Variants in QTMAN observed in about 807,000 individuals in gnomAD.
QTMAN encodes the protein queuosine-tRNA mannosyltransferase.
At chr2:144,226,058 A>C in the QTMAN span, among the ~76,000 whole-genome samples, 1 of 152,260 alleles carries the variant, frequency 6.6e-6, no homozygotes, top group Non-Finnish European at 1.5e-5. Context: ...CCTGAATTTG[A>C]AAATTACAGT....
At chr2:144,128,602 T>G in the QTMAN span, among the ~76,000 whole-genome samples, 4 of 151,940 alleles carry the variant, frequency 2.6e-5, no homozygotes, top group African/African-American at 4.8e-5. Context: ...TTTCATGAAG[T>G]TTTTTCTCTT....
chr2:144,143,256 G>C, the QTMAN span, among the ~76,000 whole-genome samples: 1 of 152,050 alleles, frequency 6.6e-6, no homozygotes, highest in East Asian at 1.9e-4. Context: ...AGGAACATCT[G>C]TATACAAGAT....
At chr2:144,157,966 A>C in the QTMAN span, among the ~76,000 whole-genome samples, 1 of 151,988 alleles carries the variant, frequency 6.6e-6, no homozygotes, top group Non-Finnish European at 1.5e-5. Context: ...CTAATATTTC[A>C]AATGTTGAAA....
chr2:144,135,849 A>T, the QTMAN span, among the ~76,000 whole-genome samples: 1 of 152,184 alleles, frequency 6.6e-6, no homozygotes, highest in Non-Finnish European at 1.5e-5. Flanking sequence ...CACTGGCAAA[A>T]AGTTACTTAC....
chr2:144,285,282 A>T, the QTMAN span, among the ~76,000 whole-genome samples: 9 of 152,110 alleles, frequency 5.9e-5, no homozygotes, highest in East Asian at 1.9e-4. Flanking sequence ...TAAATATCCT[A>T]AAAAAGTTTC....
the QTMAN span, among the ~76,000 whole-genome samples, chr2:144,119,695 G>A: frequency 1.3e-5 from 2 of 152,180 alleles, no homozygotes; most frequent in African/African-American, 4.8e-5. Context: ...ATAAGACAGA[G>A]TACCTGCTTC....
the QTMAN span, among the ~76,000 whole-genome samples, chr2:144,297,324 A>T: frequency 6.6e-6 from 1 of 152,182 alleles, no homozygotes; most frequent in Non-Finnish European, 1.5e-5. Flanking sequence ...CCACGGAGAA[A>T]CAATGGATTT....
At chr2:144,319,468 A>G in the QTMAN span, among the ~76,000 whole-genome samples, 1 of 152,172 alleles carries the variant, frequency 6.6e-6, no homozygotes, top group African/African-American at 2.4e-5. Flanking sequence ...AAGGAATTAC[A>G]TTATGGAATG....
chr2:143,992,531 TAAAA>T, the QTMAN span, among the ~76,000 whole-genome samples: 1 of 150,754 alleles, frequency 6.6e-6, no homozygotes, highest in African/African-American at 2.4e-5. Context: ...GAATGATCAA[TAAAA>T]AAATAAATAA....
chr2:144,310,395 A>G, the QTMAN span, among the ~76,000 whole-genome samples: 1 of 152,230 alleles, frequency 6.6e-6, no homozygotes, highest in Non-Finnish European at 1.5e-5. Flanking sequence ...AAGCTACTAC[A>G]AAGACTTTAC....
chr2:144,288,158 C>T, the QTMAN span, among the ~76,000 whole-genome samples: 2 of 152,204 alleles, frequency 1.3e-5, no homozygotes, highest in Admixed American at 6.5e-5. Flanking sequence ...CGTGAGCCAC[C>T]GAGTCCAGCA....
chr2:144,030,777 C>G, the QTMAN span, among the ~76,000 whole-genome samples: 1 of 152,156 alleles, frequency 6.6e-6, no homozygotes. Context: ...ACAAGAGGTG[C>G]TGGGCTCTCT....
chr2:144,175,759 G>A, the QTMAN span, among the ~76,000 whole-genome samples: 2 of 151,978 alleles, frequency 1.3e-5, no homozygotes, highest in African/African-American at 4.8e-5. Context: ...CCACCTCCTG[G>A]GTTCAAGCAA....
chr2:144,111,960 G>A, the QTMAN span, among the ~76,000 whole-genome samples: 4 of 152,076 alleles, frequency 2.6e-5, no homozygotes, highest in Admixed American at 6.5e-5. Context: ...TATTTTACTC[G>A]GGTTTGTTAA....
At chr2:144,018,120 T>C in the QTMAN span, among the ~76,000 whole-genome samples, 1 of 152,164 alleles carries the variant, frequency 6.6e-6, no homozygotes, top group East Asian at 1.9e-4. Context: ...TATTCCTTCA[T>C]TTTTCTGAGA....
the QTMAN span, among the ~76,000 whole-genome samples, chr2:144,091,849 TA>T: frequency 1.3e-5 from 2 of 151,650 alleles, no homozygotes; most frequent in African/African-American, 2.4e-5. Context: ...TAATCAGCAA[TA>T]AAAAAAAGAA....
At chr2:144,062,902 G>A in the QTMAN span, among the ~76,000 whole-genome samples, 6 of 152,054 alleles carry the variant, frequency 3.9e-5, no homozygotes, top group African/African-American at 1.4e-4. Flanking sequence ...AGGACTACCT[G>A]ACCAGAACCA....
chr2:144,315,817 T>G, the QTMAN span, among the ~76,000 whole-genome samples: 2 of 152,204 alleles, frequency 1.3e-5, no homozygotes, highest in Non-Finnish European at 2.9e-5. Flanking sequence ...TTCATTCATT[T>G]TTACCTGTCC....
chr2:144,122,681 C>T, the QTMAN span, among the ~76,000 whole-genome samples: 2 of 152,266 alleles, frequency 1.3e-5, no homozygotes, highest in East Asian at 3.9e-4. Context: ...TTCATCTTCT[C>T]CATGCAATTA....
Sources: gnomAD v4.1 joint callset for allele counts (sites outside exome capture counted in the v4.1 genomes callset) on GRCh38, gnomAD v4.1.1 for gene constraint, MANE v1.5 for transcripts, NCBI Gene and HGNC (gene_info 2026-07-23, HGNC 2026-07-21) for gene names.